UNC93B1: variants seen among roughly 807,000 people sequenced by gnomAD.
UNC93B1 encodes the protein unc-93B1 regulator of TLR signaling.
UNC93B1 carries 33 observed loss-of-function variants against 56.8 expected under a neutral mutation model. That is an observed-to-expected ratio of 0.58 (90% CI 0.44 to 0.78). The LOEUF (loss-of-function observed/expected upper bound fraction) is 0.78, where lower values mean the gene tolerates loss of function less well. Among genes scored for constraint, UNC93B1 ranks in the 30% least tolerant of loss-of-function variants. The pLI is 0.00. For synonymous variants in UNC93B1, 334 were observed against 358.6 expected, an observed-to-expected ratio of 0.93 and a Z score of 0.77; for missense variants, 673 against 819.5, an observed-to-expected ratio of 0.82 and a Z score of 2.18.
chr11:67,997,496 C>T, intron 7 of UNC93B1, 179 bp downstream of exon 7: 2 of 1,116,858 alleles, frequency 1.8e-6, no homozygotes, highest in Non-Finnish European at 2.5e-6. Flanking sequence ...GCCTCATGCC[C>T]GCTCTGCAGC....
chr11:67,999,440 G>A, intron 4 of UNC93B1, 79 bp downstream of exon 4: 1 of 1,545,508 alleles, frequency 6.5e-7, no homozygotes, highest in Non-Finnish European at 8.7e-7. Context: ...GCTTCCTGTG[G>A]TCCCCCAGCC....
At chr11:67,997,510 C>T (rs1436615698) in intron 7 of UNC93B1, 165 bp downstream of exon 7, 16 of 1,235,960 alleles carry the variant, frequency 1.3e-5, no homozygotes, top group East Asian at 5.1e-5. Flanking sequence ...CTGCAGCACT[C>T]GGCCCTAGCT....
At chr11:67,996,362 C>A (rs969080673) in intron 8 of UNC93B1, among the ~76,000 whole-genome samples, 1 of 152,012 alleles carries the variant, frequency 6.6e-6, no homozygotes, top group African/African-American at 2.4e-5. Flanking sequence ...GGCTGTACCC[C>A]ACAAGGAACT....
chr11:67,995,685 T>G lies in UNC93B1; in HGVS notation c.1289A>C (p.Gln430Pro). 1 of 1,540,374 alleles carries G rather than the reference T, an allele frequency of 6.5e-7. No individual in the cohort carries two copies. Among genetic ancestry groups the G allele is most frequent in the Non-Finnish European group, 8.8e-7 (1 of 1,142,144 alleles). ...TGCCACATAGAGGATCCAGCTGTGTTGCAGGACCCGAGGCACAGGGGCCCA... is the reference window on the plus strand; with the variant it reads ...TGCCACATAGAGGATCCAGCTGTGTGGCAGGACCCGAGGCACAGGGGCCCA... Reference protein sequence around the residue: ...FFWAPVPRVLQHSWILYVAAA... With the variant: ...FFWAPVPRVLPHSWILYVAAA... Residue 430 changes from glutamine to proline, a missense_variant, in exon 9 of 11, where the codon CAA becomes CCA. Gln to Pro is a moderately conservative substitution (Grantham distance 76). Coordinates refer to ENST00000227471, the MANE Select transcript of UNC93B1 (RefSeq NM_030930.4).
chr11:67,993,286 G>T (rs928363482), intron 10 of UNC93B1, among the ~76,000 whole-genome samples: 3 of 152,242 alleles, frequency 2.0e-5, no homozygotes, highest in African/African-American at 7.2e-5. Flanking sequence ...ACCGCGCCCG[G>T]CCTTTAGTTC....
Position 68,003,916 on chromosome 11 carries a change from G to A in UNC93B1, c.96+32C>T. ...GGGGGGACCCTGGCCCACAGGGGAC[G>A]CCCGCGCCTCGCACTCCGGGTCCCC... On this transcript the variant is annotated intron_variant, in intron 1 of 10. Transcript: ENST00000227471. This position sits in a 1 kb window ranked among gnomAD's most constrained non-coding sequence, Gnocchi z 4.4. The A allele has an allele frequency of 7.4e-7, 1 of 1,352,040 alleles. No homozygotes were observed. 83.8% of individuals were successfully genotyped at this position (1,352,040 alleles called of 1,614,324 possible).
chr11:67,996,458 G>T, intron 8 of UNC93B1, 144 bp downstream of exon 8: 1 of 1,181,992 alleles, frequency 8.5e-7, no homozygotes, highest in Non-Finnish European at 1.1e-6. Flanking sequence ...GGTAAGAGAG[G>T]GAAGAGAAAG....
intron 3 of UNC93B1, among the ~76,000 whole-genome samples, chr11:68,000,529 G>A (rs1485785953): frequency 1.3e-5 from 2 of 152,106 alleles, no homozygotes; most frequent in South Asian, 2.1e-4. Context: ...GCCGGGTGTG[G>A]TGGTGCACAC....
At chr11:68,002,489 G>A (rs1032679633) in intron 3 of UNC93B1, among the ~76,000 whole-genome samples, 4 of 152,160 alleles carry the variant, frequency 2.6e-5, no homozygotes, top group African/African-American at 9.7e-5. Flanking sequence ...CTGGTCTCCA[G>A]GTCCCATCAG....
rs1856922361 is a variant in UNC93B1 at position 67,995,460 on chromosome 11, C to T, written c.1363+151G>A. 4 of 682,926 alleles carry T rather than the reference C, an allele frequency of 5.9e-6. No homozygotes were observed. The South Asian group carries it at 9.2e-5, about 16-fold the overall frequency. The allele number at this position is 682,926 out of a possible 1,614,324, so 42.3% of individuals were successfully genotyped here. A position where few individuals can be genotyped will look rare whatever the true frequency, so the allele number is the denominator to read the frequency against. On this transcript the variant is annotated intron_variant, in intron 9 of 10. Transcript: ENST00000227471. ...CACCCCCGGAGTGTCCACAGGAAGC[C>T]CCACCTGCCTCTGCCATGTCCACAG...
At position 68,003,611 on chromosome 11, in the gene UNC93B1, G is replaced by A. The variant is rs922704127; in HGVS notation, c.238+46C>T. 89 of 1,493,714 alleles carry A rather than the reference G, an allele frequency of 6.0e-5. No individual in the cohort carries two copies. The highest frequency in any genetic ancestry group is 7.0e-5 in the Non-Finnish European group (79 of 1,126,442). The allele number at this position is 1,493,714 out of a possible 1,614,324, so 92.5% of individuals were successfully genotyped here. ...CCCGCGGTTTCTGTTTCCCGGGCCG[G>A]GCTGGGAGCGGGCGGGGCGGCCCCG... On this transcript the variant is annotated intron_variant, in intron 2 of 10. Transcript: ENST00000227471. The surrounding 1 kb of genome is among the most constrained non-coding windows in gnomAD (Gnocchi z 4.4).
chr11:68,001,387 T>C (rs2134365985), intron 3 of UNC93B1, among the ~76,000 whole-genome samples: 1 of 152,172 alleles, frequency 6.6e-6, no homozygotes, highest in East Asian at 1.9e-4. Context: ...GGGGGAGTGC[T>C]GGATGTGGTG....
intron 9 of UNC93B1, among the ~76,000 whole-genome samples, chr11:67,995,260 C>T (rs538445953): frequency 1.3e-5 from 2 of 152,162 alleles, no homozygotes; most frequent in Admixed American, 6.5e-5. Flanking sequence ...TCCACAGAGC[C>T]CCACACCTGC....
chr11:67,992,216 C>A (rs1856856881), intron 10 of UNC93B1, among the ~76,000 whole-genome samples: 1 of 152,262 alleles, frequency 6.6e-6, no homozygotes, highest in South Asian at 2.1e-4. Flanking sequence ...CACCCGTGGG[C>A]TGTAGTGATG....
chr11:67,993,665 C>G lies in UNC93B1; in HGVS notation c.1482+11G>C, dbSNP rs1399021947. 2.8e-6 allele frequency: 3 copies of G among 1,082,996 alleles called. No individual in the cohort carries two copies. The highest frequency in any genetic ancestry group is 4.1e-6 in the Non-Finnish European group (3 of 735,226). The allele number at this position is 1,082,996 out of a possible 1,614,324, so 67.1% of individuals were successfully genotyped here. On this transcript the variant is annotated intron_variant, in intron 10 of 10. Coordinates refer to ENST00000227471, the MANE Select transcript of UNC93B1 (RefSeq NM_030930.4). ...ATTGGGCATGGGGCCCCCAACCCTGCCCAGTCTCACCTTCATGTGCAGGCT... is the reference window on the plus strand; with the variant it reads ...ATTGGGCATGGGGCCCCCAACCCTGGCCAGTCTCACCTTCATGTGCAGGCT...
chr11:68,004,079 G>C lies in UNC93B1; in HGVS notation c.-36C>G. The C allele has an allele frequency of 7.7e-7, 1 of 1,298,664 alleles. No individual in the cohort carries two copies. The highest frequency in any genetic ancestry group is 9.8e-7 in the Non-Finnish European group (1 of 1,021,168). 80.4% of individuals were successfully genotyped at this position (1,298,664 alleles called of 1,614,324 possible). ...ACTGCGGACTCGCGGCGGTCGCCCCGGAGTCCCTGCGACCGCCCGGCCACT... is the reference window on the plus strand; with the variant it reads ...ACTGCGGACTCGCGGCGGTCGCCCCCGAGTCCCTGCGACCGCCCGGCCACT... On this transcript the variant is annotated 5_prime_UTR_variant, in exon 1 of 11. Coordinates refer to ENST00000227471, the MANE Select transcript of UNC93B1 (RefSeq NM_030930.4).
chr11:67,995,839 G>C lies in UNC93B1; in HGVS notation c.1135C>G (p.Leu379Val), dbSNP rs1332691034. 6.5e-7 allele frequency: 1 copy of C among 1,542,008 alleles called. No individual in the cohort carries two copies. Among genetic ancestry groups the C allele is most frequent in the East Asian group, 2.4e-5 (1 of 40,822 alleles). ...GAGGCGCCCAGGCTGTAAGCCACGA[G>C]GAGGTAAGCCAGCCGCTCCAGCCCC... ...SVGLERLAYL[L>V]VAYSLGASAA... The change falls in exon 9 of 11, where the codon CTC (leucine) becomes GTC (valine). Residue 379 changes from leucine to valine, a missense_variant. Coordinates refer to ENST00000227471, the MANE Select transcript of UNC93B1 (RefSeq NM_030930.4).
chr11:67,994,862 T>C (rs1856909034), intron 9 of UNC93B1, among the ~76,000 whole-genome samples: 2 of 152,240 alleles, frequency 1.3e-5, no homozygotes, highest in Admixed American at 1.3e-4. Context: ...CTGACATGGA[T>C]GCCCGGCAGG....
At position 68,003,140 on chromosome 11, in the gene UNC93B1, C is replaced by T. The variant is rs764888883; in HGVS notation, c.274G>A (p.Glu92Lys). The T allele has an allele frequency of 2.1e-5, 34 of 1,613,224 alleles. No homozygotes were observed. The highest frequency in any genetic ancestry group is 2.7e-5 in the Non-Finnish European group (32 of 1,179,804). Reference protein sequence around the residue: ...LQMQLILHYDETYREVKYGNM... With the variant: ...LQMQLILHYDKTYREVKYGNM... Reference sequence around the variant, plus strand: ...CCATACTTCACCTCGCGGTAGGTCTCGTCGTAGTGCAGGATCAGCTGCATC... The same window carrying T: ...CCATACTTCACCTCGCGGTAGGTCTTGTCGTAGTGCAGGATCAGCTGCATC... Residue 92 changes from glutamate (E) to lysine (K), a missense_variant, in exon 3 of 11, where the codon GAG becomes AAG. Around this residue, in one of 3 missense-constraint regions of UNC93B1, gnomAD observed 438 missense variants for 465.9 expected, o/e 0.94. Transcript: ENST00000227471. This position sits in a 1 kb window ranked among gnomAD's most constrained non-coding sequence, Gnocchi z 4.4.
Sources: allele counts gnomAD v4.1 joint callset (sites outside exome capture counted in the v4.1 genomes callset), GRCh38; gene constraint gnomAD v4.1.1; regional missense constraint gnomAD v4.1.1; non-coding constraint Gnocchi (gnomAD v3.1); transcripts MANE v1.5; gene names NCBI Gene and HGNC (gene_info 2026-07-23, HGNC 2026-07-21).